The following USE1 variants were observed in gnomAD, a reference collection of about 807,000 sequenced individuals.
The protein encoded by USE1 is unconventional SNARE in the ER 1, also known as vesicle transport protein USE1.
USE1 carries 32 observed loss-of-function variants against 37.6 expected under a neutral mutation model. The observed-to-expected ratio is 0.85, with a 90% confidence interval of 0.64 to 1.14. The LOEUF (loss-of-function observed/expected upper bound fraction) is 1.14, where lower values mean the gene tolerates loss of function less well. Among genes scored for constraint, USE1 ranks in the 50% most tolerant of loss-of-function variants. USE1 has a pLI of 0.00. For missense variants in USE1, 310 were observed against 332.2 expected, an observed-to-expected ratio of 0.93 and a Z score of 0.52; for synonymous variants, 149 against 137.6, an observed-to-expected ratio of 1.08 and a Z score of -0.58.
At chr19:17,218,226 A>G (rs981798947) in intron 5 of USE1, 138 bp from the exon 6 acceptor site, 140 of 1,210,186 alleles carry the variant, frequency 1.2e-4, no homozygotes, top group Non-Finnish European at 1.0e-4. Context: ...GTATTCAAGC[A>G]TGGTCAGAAG....
chr19:17,219,153 G>T (rs1037766666), intron 6 of USE1, 60 bp from the exon 7 acceptor site: 2 of 1,528,384 alleles, frequency 1.3e-6, no homozygotes, highest in Admixed American at 4.3e-5. Flanking sequence ...AAAATGTGTT[G>T]GTCTTCTCCC....
chr19:17,218,293 A>G lies in USE1; in HGVS notation c.395-71A>G. On this transcript the variant is annotated intron_variant, in intron 5 of 7. Coordinates refer to ENST00000263897, the MANE Select transcript of USE1 (RefSeq NM_018467.4). ...GCATTCCAAGCAGTAGACCCAGCAC[A>G]GGCAATGCTCAGGATGCCGGAAACG... 1.9e-6 allele frequency: 3 copies of G among 1,602,958 alleles called. No individual in the cohort carries two copies. The South Asian group carries it at 3.3e-5, about 18-fold the overall frequency.
At chr19:17,217,019 G>A (rs2073294843) in intron 4 of USE1, among the ~76,000 whole-genome samples, 1 of 152,072 alleles carries the variant, frequency 6.6e-6, no homozygotes, top group South Asian at 2.1e-4. Context: ...GTTTAAGGTT[G>A]AGGAAACAGG....
intron 6 of USE1, chr19:17,218,699 C>T (rs370755814): frequency 2.4e-5 from 6 of 253,848 alleles, no homozygotes; most frequent in South Asian, 5.7e-5. Flanking sequence ...TGGTGGCATG[C>T]GCCTGTAGTC....
At chr19:17,215,704 T>C in intron 1 of USE1, 98 bp from the exon 2 acceptor site, 1 of 1,170,392 alleles carries the variant, frequency 8.5e-7, no homozygotes, top group Non-Finnish European at 1.2e-6. Context: ...CCGCCTCCTT[T>C]ACGCTTGACC....
At chr19:17,217,136 CTTT>C (rs35846876) in intron 4 of USE1, among the ~76,000 whole-genome samples, 25 of 128,594 alleles carry the variant, frequency 1.9e-4, no homozygotes, top group East Asian at 2.3e-4. Context: ...ATGGCATTTA[CTTT>C]TTTTTTTTTT....
chr19:17,218,085 A>T, intron 5 of USE1: 1 of 407,568 alleles, frequency 2.5e-6, no homozygotes, highest in Admixed American at 4.0e-5. Flanking sequence ...CTCTGTCTCA[A>T]AAATAAGCAA....
intron 4 of USE1, among the ~76,000 whole-genome samples, chr19:17,217,052 C>T (rs1348701200): frequency 6.6e-6 from 1 of 151,744 alleles, no homozygotes; most frequent in Non-Finnish European, 1.5e-5. Context: ...GGGATTTCCC[C>T]ATGTCCTGAC....
rs928886518 is a variant in USE1, at chr19:17,219,611, C to A, written c.598-20C>A. 3.7e-5 allele frequency: 58 copies of A among 1,584,094 alleles called. No individual in the cohort carries two copies. The highest frequency in any genetic ancestry group is 2.2e-4 in the Middle Eastern group (1 of 4,486). ...TTCTTGGCCCCAGTCCTGTTGACAC[C>A]TTTTCCACCTCCCCCACAGACCCTG... On this transcript the variant is annotated intron_variant, in intron 7 of 7. Transcript: ENST00000263897.
intron 7 of USE1, 89 bp from the exon 8 acceptor site, chr19:17,219,542 C>T (rs915891621): frequency 3.3e-5 from 48 of 1,473,314 alleles, no homozygotes; most frequent in Admixed American, 9.6e-5. Context: ...CACCAGCAAG[C>T]GACAAGAGGT....
chr19:17,217,320 G>A (rs1599439697), intron 4 of USE1, 133 bp from the exon 5 acceptor site: 1 of 987,786 alleles, frequency 1.0e-6, no homozygotes, highest in Middle Eastern at 2.4e-4. Flanking sequence ...ATTTTTAGTA[G>A]AGATGGAATT....
Position 17,215,827 on chromosome 19 carries a change from T to G in USE1, c.128T>G (p.Leu43Trp), listed in dbSNP as rs766973453. ...EKYVGALEDM[L>W]QALKVHASKP... The stretch of plus-strand genomic sequence containing the variant: ...TACGTGGGAGCCCTAGAGGACATGT[T>G]GCAGGCCCTGAAGGTCCACGCGAGG... The change falls in exon 2 of 8, where the codon TTG becomes TGG. Residue 43 changes from leucine to tryptophan, a missense_variant. Transcript: ENST00000263897. The G allele has an allele frequency of 1.9e-6, 3 of 1,610,472 alleles. No homozygotes were observed. The highest frequency in any genetic ancestry group is 2.5e-6 in the Non-Finnish European group (3 of 1,178,662).
In USE1 at chr19:17,218,683, C is replaced by G. The variant is rs77717933; in HGVS notation, c.422+292C>G. On this transcript the variant is annotated intron_variant, in intron 6 of 7. Coordinates refer to ENST00000263897, the MANE Select transcript of USE1 (RefSeq NM_018467.4). ...TCTACTAAAAATACAAAAAATTAGC[C>G]GGGCATGGTGGCATGCGCCTGTAGT... 328 of 290,286 alleles carry G rather than the reference C, an allele frequency of 1.1e-3. 9 individuals carry two copies. The East Asian group carries it at 0.02, about 18-fold the overall frequency. 18.0% of individuals were successfully genotyped at this position (290,286 alleles called of 1,614,324 possible).
At chr19:17,216,353 C>T (rs762079256) in intron 4 of USE1, 32 bp downstream of exon 4, 2 of 1,601,386 alleles carry the variant, frequency 1.2e-6, no homozygotes, top group Admixed American at 1.7e-5. Context: ...CTGGGAATCC[C>T]TTGGACAGGA....
chr19:17,215,720 C>T lies in USE1; in HGVS notation c.103-82C>T, dbSNP rs576405637. 183 of 1,278,956 alleles carry T rather than the reference C, an allele frequency of 1.4e-4. 1 individual carries two copies. The East Asian group carries it at 4.1e-3, about 28-fold the overall frequency. The allele number at this position is 1,278,956 out of a possible 1,614,324, so 79.2% of individuals were successfully genotyped here. Reference sequence around the variant, plus strand: ...CGCCTCCTTTACGCTTGACCCCTCCCATTTGTCGGCCCCGCCCCCCCGACT... The same window carrying T: ...CGCCTCCTTTACGCTTGACCCCTCCTATTTGTCGGCCCCGCCCCCCCGACT... On this transcript the variant is annotated intron_variant, in intron 1 of 7. Transcript: ENST00000263897.
chr19:17,217,282 C>G (rs373005557), intron 4 of USE1, among the ~76,000 whole-genome samples, 171 bp from the exon 5 acceptor site: 1 of 151,762 alleles, frequency 6.6e-6, no homozygotes, highest in African/African-American at 2.4e-5. Context: ...ATCACAGGCA[C>G]CCCCACCACA....
intron 5 of USE1, 178 bp downstream of exon 5, chr19:17,217,640 G>A (rs868373209): frequency 4.2e-6 from 4 of 946,034 alleles, no homozygotes; most frequent in Non-Finnish European, 4.8e-6. Context: ...AGGAAACAAA[G>A]CTAGGCACAG....
At chr19:17,215,962 G>A in intron 2 of USE1, 30 bp from the exon 3 acceptor site, 1 of 1,587,910 alleles carries the variant, frequency 6.3e-7, no homozygotes, top group Non-Finnish European at 8.6e-7. Context: ...ACCATGGACA[G>A]GTTTTGTTTT....
rs1303436526 is a variant in USE1 at position 17,216,220 on chromosome 19, G to T, written c.283G>T (p.Val95Leu). The change falls in exon 4 of 8, where the codon GTG (valine) becomes TTG (leucine). Residue 95 changes from valine to leucine, a missense_variant. Val to Leu is a conservative substitution (Grantham distance 32). Transcript: ENST00000263897. ...CAACCAGTTCCTGGCCCCTGGCCGT[G>T]TGCCAACCACAGCCAGAGAGCGAGT... ...LANQFLAPGR[V>L]PTTARERVPA... is the part of the protein sequence containing the mutation. 9 of 1,612,778 alleles carry T rather than the reference G, an allele frequency of 5.6e-6. No individual in the cohort carries two copies. Among genetic ancestry groups the T allele is most frequent in the Non-Finnish European group, 7.6e-6 (9 of 1,179,832 alleles).
Sources: gnomAD v4.1 joint callset for allele counts (sites outside exome capture counted in the v4.1 genomes callset) on GRCh38, gnomAD v4.1.1 for gene constraint, MANE v1.5 for transcripts, NCBI Gene and HGNC (gene_info 2026-07-23, HGNC 2026-07-21) for gene names.